Variants in SEMA3A observed in about 807,000 individuals in gnomAD.
SEMA3A encodes the protein semaphorin-3A.
Under a neutral mutation model 97.9 loss-of-function variants are expected in SEMA3A, and 29 were observed. The observed-to-expected ratio is 0.30, with a 90% confidence interval of 0.22 to 0.40. The LOEUF (loss-of-function observed/expected upper bound fraction) is 0.40, where lower values mean the gene tolerates loss of function less well. Ranked by LOEUF, SEMA3A falls within the 10% of genes least tolerant of loss-of-function variation. SEMA3A has a pLI of 1.00. For missense variants in SEMA3A, 763 were observed against 951.3 expected (o/e 0.80, Z 2.60); for synonymous variants, 321 against 323.7 (o/e 0.99, Z 0.09).
chr7:84,202,589 C>A (rs749640725), intron 3 of SEMA3A, among the ~76,000 whole-genome samples: 1 of 152,114 alleles, frequency 6.6e-6, no homozygotes, highest in Non-Finnish European at 1.5e-5. Flanking sequence ...TGCAATCCAG[C>A]GCACTTAATT....
chr7:84,256,457 A>G (rs1799722715), intron 3 of SEMA3A, among the ~76,000 whole-genome samples: 1 of 152,090 alleles, frequency 6.6e-6, no homozygotes, highest in Admixed American at 6.6e-5. Context: ...ATCTAAAAAT[A>G]CTGTTTTAAA....
chr7:83,989,919 T>A (rs1021049898), intron 12 of SEMA3A, among the ~76,000 whole-genome samples: 2 of 151,242 alleles, frequency 1.3e-5, no homozygotes, highest in African/African-American at 4.9e-5. Context: ...GTAGAACTAG[T>A]TTACAGTCCC....
At chr7:84,328,267 C>T (rs1399239507) in intron 2 of SEMA3A, among the ~76,000 whole-genome samples, 1 of 151,938 alleles carries the variant, frequency 6.6e-6, no homozygotes, top group African/African-American at 2.4e-5. Context: ...GTGTTCTCAT[C>T]TTTACATTTC....
intron 3 of SEMA3A, among the ~76,000 whole-genome samples, chr7:84,243,570 T>C (rs1799415676): frequency 6.6e-6 from 1 of 152,108 alleles, no homozygotes; most frequent in Non-Finnish European, 1.5e-5. Flanking sequence ...GTGGTCTGTC[T>C]ATTTTGTTAA....
At chr7:84,265,214 T>G in intron 3 of SEMA3A, among the ~76,000 whole-genome samples, 1 of 152,082 alleles carries the variant, frequency 6.6e-6, no homozygotes, top group African/African-American at 2.4e-5. Context: ...GCCTGTGAAC[T>G]TCTAAGCTAT....
intron 1 of SEMA3A, among the ~76,000 whole-genome samples, chr7:84,396,653 T>C (rs1263201285): frequency 1.3e-5 from 2 of 152,054 alleles, no homozygotes; most frequent in African/African-American, 2.4e-5. Flanking sequence ...GAAACTGACT[T>C]CCAACTGACC....
At chr7:84,378,972 G>A (rs1803183753) in intron 1 of SEMA3A, among the ~76,000 whole-genome samples, 1 of 151,644 alleles carries the variant, frequency 6.6e-6, no homozygotes, top group Non-Finnish European at 1.5e-5. Flanking sequence ...TGTCGCCCAG[G>A]CTGGAGTGCA....
intron 1 of SEMA3A, among the ~76,000 whole-genome samples, chr7:84,135,341 C>T (rs184535303): frequency 1.4e-4 from 22 of 152,046 alleles, no homozygotes; most frequent in Admixed American, 1.4e-3. Context: ...GAACTCCTGA[C>T]CTCAAGTGAT....
At chr7:84,314,797 C>T (rs1484308294) in intron 2 of SEMA3A, among the ~76,000 whole-genome samples, 2 of 152,036 alleles carry the variant, frequency 1.3e-5, no homozygotes, top group Non-Finnish European at 2.9e-5. Flanking sequence ...ACTGTGTCTG[C>T]CTTAATACAG....
At chr7:84,457,598 G>A (rs1161302986) in intron 1 of SEMA3A, among the ~76,000 whole-genome samples, 7 of 151,840 alleles carry the variant, frequency 4.6e-5, no homozygotes, top group African/African-American at 1.7e-4. Context: ...TTCAGATGAG[G>A]CATTTCTGCC....
chr7:84,470,523 T>C (rs1224227603), intron 1 of SEMA3A, among the ~76,000 whole-genome samples: 1 of 152,108 alleles, frequency 6.6e-6, no homozygotes, highest in African/African-American at 2.4e-5. Flanking sequence ...TGTGCCTTTG[T>C]GCATGGGTCT....
intron 6 of SEMA3A, among the ~76,000 whole-genome samples, chr7:84,044,964 T>C (rs112368105): frequency 0.015 from 2,275 of 152,154 alleles, 41 homozygotes; most frequent in Non-Finnish European, 0.022. Context: ...TGGAAAATTA[T>C]AGGACATTCA....
At chr7:84,459,362 C>T (rs915122385) in intron 1 of SEMA3A, among the ~76,000 whole-genome samples, 5 of 152,192 alleles carry the variant, frequency 3.3e-5, no homozygotes, top group Admixed American at 6.5e-5. Flanking sequence ...CTGATTATTA[C>T]ACTTTGTGTT....
intron 1 of SEMA3A, among the ~76,000 whole-genome samples, chr7:84,424,550 A>AT (rs1804705653): frequency 2.2e-5 from 2 of 89,776 alleles, no homozygotes; most frequent in African/African-American, 1.1e-4. Flanking sequence ...ATATTAATAT[A>AT]TATTATATAT....
At chr7:84,359,322 T>C (rs1157891369) in intron 2 of SEMA3A, among the ~76,000 whole-genome samples, 1 of 152,008 alleles carries the variant, frequency 6.6e-6, no homozygotes, top group African/African-American at 2.4e-5. Context: ...CATCAATACC[T>C]AATTTATTGA....
upstream of SEMA3A, among the ~76,000 whole-genome samples, chr7:84,197,421 A>G (rs137880952): frequency 5.9e-5 from 9 of 152,306 alleles, no homozygotes; most frequent in East Asian, 1.7e-3. Context: ...GTCTGGCCAC[A>G]CACAGATAAT....
chr7:84,380,929 C>T (rs960647325), intron 1 of SEMA3A, among the ~76,000 whole-genome samples: 2 of 152,292 alleles, frequency 1.3e-5, no homozygotes, highest in African/African-American at 2.4e-5. Context: ...ACAGGCTTTA[C>T]CTGGATAATG....
intron 1 of SEMA3A, among the ~76,000 whole-genome samples, chr7:84,460,433 A>G (rs1805800933): frequency 6.6e-6 from 1 of 152,080 alleles, no homozygotes; most frequent in Admixed American, 6.6e-5. Context: ...AAGGAAGAAG[A>G]ATATTAATAA....
intron 1 of SEMA3A, among the ~76,000 whole-genome samples, chr7:84,467,838 A>G (rs532098522): frequency 1.3e-5 from 2 of 152,278 alleles, no homozygotes; most frequent in African/African-American, 4.8e-5. Flanking sequence ...AACCTCACCA[A>G]AAGACTTAAA....
Sources: gnomAD v4.1 joint callset for allele counts (sites outside exome capture counted in the v4.1 genomes callset) on GRCh38, gnomAD v4.1.1 for gene constraint, MANE v1.5 for transcripts, NCBI Gene and HGNC (gene_info 2026-07-23, HGNC 2026-07-21) for gene names.